Variants in ARNT observed in about 807,000 individuals in gnomAD.
ARNT encodes the protein aryl hydrocarbon receptor nuclear translocator, also known as class E basic helix-loop-helix protein 2.
A neutral mutation model predicts 105.0 loss-of-function variants in ARNT; 30 were observed. The ratio of observed to expected loss-of-function variants is 0.29; its 90% CI spans 0.21 to 0.39. The LOEUF (loss-of-function observed/expected upper bound fraction) is 0.39, where lower values mean the gene tolerates loss of function less well. ARNT is among the 10% of genes least tolerant of loss of function. The pLI, the probability that ARNT is intolerant of heterozygous loss-of-function variation, is 1.00. For missense variants in ARNT, 748 were observed against 978.7 expected (o/e 0.76, Z 3.15); for synonymous variants, 304 against 344.0 (o/e 0.88, Z 1.29).
intron 1 of ARNT, among the ~76,000 whole-genome samples, chr1:150,875,393 T>C (rs1465348235): frequency 6.6e-6 from 1 of 152,126 alleles, no homozygotes; most frequent in African/African-American, 2.4e-5. Flanking sequence ...TATTGCAAAA[T>C]CATACTGCCT....
Position 150,823,990 on chromosome 1 carries a change from G to A in ARNT, c.1243-645C>T, listed in dbSNP as rs587596464. ...CCCAAGTAGCTGAGATTATAGGCAC[G>A]TGCCACCACGCCCAGCTAATTTTTG... On this transcript the variant is annotated intron_variant, in intron 13 of 21. Transcript: ENST00000358595. 8.1e-5 allele frequency among the ~76,000 whole-genome samples: 12 copies of A among 149,016 alleles called. No individual in the cohort carries two copies. The South Asian group carries it at 1.5e-3, about 19-fold the overall frequency.
chr1:150,854,515 T>G (rs145720857), intron 2 of ARNT, among the ~76,000 whole-genome samples: 1 of 151,856 alleles, frequency 6.6e-6, no homozygotes. Context: ...TGAGCTGAGA[T>G]TGGGCCACTG....
chr1:150,845,193 G>C (rs1296512255), intron 4 of ARNT, among the ~76,000 whole-genome samples: 1 of 152,172 alleles, frequency 6.6e-6, no homozygotes, highest in African/African-American at 2.4e-5. Flanking sequence ...GCTGAGGTAG[G>C]AGGATCACTG....
At chr1:150,831,625 G>GT in intron 10 of ARNT, 193 bp downstream of exon 10, 1 of 537,800 alleles carries the variant, frequency 1.9e-6, no homozygotes, top group Non-Finnish European at 3.2e-6. Context: ...TCCAGCCTGA[G>GT]TTATCTATCT....
intron 14 of ARNT, among the ~76,000 whole-genome samples, chr1:150,822,617 T>C (rs1571219538): frequency 6.6e-6 from 1 of 152,302 alleles, no homozygotes; most frequent in East Asian, 1.9e-4. Flanking sequence ...TATCTCTTCA[T>C]CTGATGTACA....
intron 5 of ARNT, among the ~76,000 whole-genome samples, chr1:150,840,632 A>G (rs976361344): frequency 3.3e-5 from 5 of 152,226 alleles, no homozygotes; most frequent in African/African-American, 9.6e-5. Flanking sequence ...CCATCTACTA[A>G]AAGTCCCATA....
At chr1:150,858,539 G>GA (rs1665029056) in intron 1 of ARNT, 79 bp from the exon 2 acceptor site, 1 of 1,151,252 alleles carries the variant, frequency 8.7e-7, no homozygotes, top group African/African-American at 1.5e-5. Flanking sequence ...TTAGCTAAAA[G>GA]AAAGGTTCAA....
intron 15 of ARNT, among the ~76,000 whole-genome samples, chr1:150,817,666 G>A (rs1420262098): frequency 6.6e-5 from 10 of 151,898 alleles, no homozygotes; most frequent in Admixed American, 2.0e-4. Context: ...AAAATTAGCC[G>A]GGGGTGGTGG....
intron 7 of ARNT, 192 bp from the exon 8 acceptor site, chr1:150,834,832 A>C: frequency 4.0e-6 from 2 of 499,264 alleles, no homozygotes; most frequent in East Asian, 3.4e-5. Flanking sequence ...AATGAATCTC[A>C]CTCTTAAGTT....
Position 150,858,478 on chromosome 1 carries a change from A to T in ARNT, c.26-18T>A. ...TGTCATTTCTGTCAGGAAAATAATG[A>T]AGTAAACATTTTTAAAAAGACAGTC... is the stretch of plus-strand genomic sequence containing the variant. On this transcript the variant is annotated intron_variant, in intron 1 of 21. Transcript: ENST00000358595. 1 of 1,554,220 alleles carries T rather than the reference A, an allele frequency of 6.4e-7. No homozygotes were observed. The highest frequency in any genetic ancestry group is 8.8e-7 in the Non-Finnish European group (1 of 1,134,510).
At chr1:150,836,239 G>A (rs769211473) in intron 7 of ARNT, 41 bp downstream of exon 7, 1 of 1,589,236 alleles carries the variant, frequency 6.3e-7, no homozygotes, top group Non-Finnish European at 8.6e-7. Flanking sequence ...AAAAAAACAA[G>A]AAAGGACTTC....
rs757676339 is a variant in ARNT, at chr1:150,839,522, T to C, written c.405A>G (p.Ala135=). The part of the protein sequence containing the change: ...KPDKLTILRM[A]VSHMKSLRGT... Reference sequence around the variant, plus strand: ...CCCGCAAGGACTTCATGTGAGAAACTGCCATGCGTAAGATGGTTAGCTTGT... The same window carrying C: ...CCCGCAAGGACTTCATGTGAGAAACCGCCATGCGTAAGATGGTTAGCTTGT... The change falls in exon 6 of 22, where the codon GCA becomes GCG. Residue 135 remains alanine (A), a synonymous_variant. Coordinates refer to ENST00000358595, the MANE Select transcript of ARNT (RefSeq NM_001668.4). The C allele has an allele frequency of 1.2e-6, 2 of 1,614,218 alleles. No homozygotes were observed. Among genetic ancestry groups the C allele is most frequent in the Non-Finnish European group, 1.7e-6 (2 of 1,180,030 alleles).
In ARNT at chr1:150,846,309, TGA is replaced by T; in HGVS notation, c.183-4_183-3del. The T allele has an allele frequency of 1.2e-6, 2 of 1,613,596 alleles. No individual in the cohort carries two copies. Among genetic ancestry groups the T allele is most frequent in the Non-Finnish European group, 1.7e-6 (2 of 1,179,722 alleles). Reference sequence around the variant, plus strand: ...TTAGACATCTGATCATCATCACACCTGAAGGAGAGAAAAAGGATTGTTTCAAA... The same window carrying T: ...TTAGACATCTGATCATCATCACACCTAGGAGAGAAAAAGGATTGTTTCAAA... On this transcript the variant is annotated splice_polypyrimidine_tract_variant and splice_region_variant and intron_variant, in intron 3 of 21. Transcript: ENST00000358595.
At position 150,856,671 on chromosome 1, in the gene ARNT, G is replaced by A. The variant is rs151233922; in HGVS notation, c.137+1678C>T. ...CCAGCTGCTTGGGAGGCTGAGGCAG[G>A]AGAATCCCTTGAACCAGAGAGGTGG... On this transcript the variant is annotated intron_variant, in intron 2 of 21. Transcript: ENST00000358595. Among the ~76,000 whole-genome samples the A allele has an allele frequency of 7.7e-3, 1,171 of 152,124 alleles. 6 individuals are homozygous for A. Among genetic ancestry groups the A allele is most frequent in the Non-Finnish European group, 0.011 (717 of 68,012 alleles).
intron 8 of ARNT, among the ~76,000 whole-genome samples, chr1:150,833,699 T>C (rs1411121912): frequency 6.6e-6 from 1 of 151,130 alleles, no homozygotes; most frequent in Non-Finnish European, 1.5e-5. Flanking sequence ...CCATATTTTC[T>C]ACAGAATCCT....
At chr1:150,863,235 G>A (rs587764992) in intron 1 of ARNT, among the ~76,000 whole-genome samples, 24 of 151,180 alleles carry the variant, frequency 1.6e-4, no homozygotes, top group African/African-American at 5.1e-4. Context: ...GGTGGTACAC[G>A]TCTATAATCC....
chr1:150,823,741 G>A lies in ARNT; in HGVS notation c.1243-396C>T, dbSNP rs187097402. 2.9e-3 allele frequency among the ~76,000 whole-genome samples: 436 copies of A among 151,412 alleles called. 2 individuals are homozygous for A. The highest frequency in any genetic ancestry group is 1.0e-2 in the African/African-American group (412 of 41,226). On this transcript the variant is annotated intron_variant, in intron 13 of 21. Coordinates refer to ENST00000358595, the MANE Select transcript of ARNT (RefSeq NM_001668.4). ...AATTTTTTGTATTTTTAGTAGAGAC[G>A]GGGTTTCACCATGTTAGCCAGGATG...
chr1:150,853,854 C>T (rs1387690981), intron 2 of ARNT, among the ~76,000 whole-genome samples: 1 of 152,148 alleles, frequency 6.6e-6, no homozygotes, highest in East Asian at 1.9e-4. Flanking sequence ...CACTATTGAA[C>T]TAAAATATTG....
intron 8 of ARNT, among the ~76,000 whole-genome samples, chr1:150,834,099 A>C (rs1659842202): frequency 6.6e-6 from 1 of 151,608 alleles, no homozygotes; most frequent in Non-Finnish European, 1.5e-5. Flanking sequence ...ACGCCCGTCT[A>C]ATTTTGTTGT....
Sources: allele counts gnomAD v4.1 joint callset (sites outside exome capture counted in the v4.1 genomes callset), GRCh38; gene constraint gnomAD v4.1.1; transcripts MANE v1.5; gene names NCBI Gene and HGNC (gene_info 2026-07-23, HGNC 2026-07-21).